Variants in MGAT4C observed in about 807,000 individuals in gnomAD.
MGAT4C encodes MGAT4 family member C, also known as alpha-1,3-mannosyl-glycoprotein 4-beta-N-acetylglucosaminyltransferase C.
In MGAT4C, 19 loss-of-function variants were observed where a neutral mutation model predicts 40.1. The ratio of observed to expected loss-of-function variants is 0.47; its 90% CI spans 0.33 to 0.70. The LOEUF (loss-of-function observed/expected upper bound fraction) is 0.70, where lower values mean the gene tolerates loss of function less well. Ranked by LOEUF, MGAT4C falls within the 30% of genes least tolerant of loss-of-function variation. The pLI is 0.02. For synonymous variants in MGAT4C, 181 were observed against 187.1 expected, an observed-to-expected ratio of 0.97 and a Z score of 0.27; for missense variants, 491 against 563.2, an observed-to-expected ratio of 0.87 and a Z score of 1.30.
At chr12:86,053,979 G>A (rs369089939) in intron 1 of MGAT4C, among the ~76,000 whole-genome samples, 2 of 151,896 alleles carry the variant, frequency 1.3e-5, no homozygotes, top group East Asian at 3.9e-4. Context: ...GAAACCCCGT[G>A]TACACTGATG....
intron 1 of MGAT4C, among the ~76,000 whole-genome samples, chr12:86,051,580 T>G (rs1892894898): frequency 6.6e-6 from 1 of 151,822 alleles, no homozygotes; most frequent in Admixed American, 6.6e-5. Context: ...TAAATTAAAT[T>G]ATATATTATT....
At chr12:86,371,363 T>C (rs1055479663) in intron 3 of MGAT4C, among the ~76,000 whole-genome samples, 1 of 152,034 alleles carries the variant, frequency 6.6e-6, no homozygotes, top group Non-Finnish European at 1.5e-5. Flanking sequence ...GGACAATCAA[T>C]CTTCCATACT....
chr12:86,602,783 A>G (rs749890526), intron 2 of MGAT4C, among the ~76,000 whole-genome samples: 4 of 152,078 alleles, frequency 2.6e-5, no homozygotes, highest in African/African-American at 4.8e-5. Flanking sequence ...TGAATGAAGG[A>G]TCCTTAAAAA....
intron 2 of MGAT4C, among the ~76,000 whole-genome samples, chr12:86,489,369 C>G (rs773379634): frequency 1.3e-5 from 2 of 152,130 alleles, no homozygotes; most frequent in African/African-American, 2.4e-5. Context: ...TCTGGACATG[C>G]GACCTCTGAG....
intron 2 of MGAT4C, among the ~76,000 whole-genome samples, chr12:85,995,162 G>GTGAA (rs1886465964): frequency 6.6e-6 from 1 of 152,122 alleles, no homozygotes; most frequent in East Asian, 1.9e-4. Flanking sequence ...AAACCAAATA[G>GTGAA]GTAAGCCCTG....
At chr12:86,088,040 C>T (rs2096556590) in intron 1 of MGAT4C, among the ~76,000 whole-genome samples, 1 of 151,710 alleles carries the variant, frequency 6.6e-6, no homozygotes, top group South Asian at 2.1e-4. Flanking sequence ...ACACATAGAC[C>T]AACAGAACAG....
At chr12:86,510,204 T>C (rs1958548232) in intron 2 of MGAT4C, among the ~76,000 whole-genome samples, 1 of 151,906 alleles carries the variant, frequency 6.6e-6, no homozygotes, top group African/African-American at 2.4e-5. Context: ...GGGTTTGTCA[T>C]AGATAGCTCT....
At chr12:86,666,826 A>G (rs12371593) in intron 2 of MGAT4C, among the ~76,000 whole-genome samples, 5,374 of 152,280 alleles carry the variant, frequency 0.035, 141 homozygotes, top group Non-Finnish European at 0.048. Flanking sequence ...CCTGAAACTG[A>G]TATTTGGTAA....
intron 2 of MGAT4C, among the ~76,000 whole-genome samples, chr12:86,449,825 C>G (rs1167270663): frequency 6.6e-6 from 1 of 152,026 alleles, no homozygotes; most frequent in Non-Finnish European, 1.5e-5. Flanking sequence ...TCTAATTTAC[C>G]CATTCCAAAT....
At chr12:86,232,736 A>C (rs530871762) in intron 1 of MGAT4C, among the ~76,000 whole-genome samples, 1 of 152,216 alleles carries the variant, frequency 6.6e-6, no homozygotes, top group Non-Finnish European at 1.5e-5. Flanking sequence ...TATTGAATCA[A>C]TGAGTATGTG....
intron 1 of MGAT4C, among the ~76,000 whole-genome samples, chr12:86,234,996 T>C (rs951235408): frequency 1.3e-5 from 2 of 152,116 alleles, no homozygotes; most frequent in African/African-American, 2.4e-5. Flanking sequence ...TTCTGTCTCT[T>C]CTTAAATGTT....
intron 2 of MGAT4C, among the ~76,000 whole-genome samples, chr12:86,667,173 G>C (rs1964131605): frequency 6.6e-6 from 1 of 152,160 alleles, no homozygotes; most frequent in Admixed American, 6.6e-5. Context: ...AAAATATTAA[G>C]AGGAGGAGGA....
intron 1 of MGAT4C, among the ~76,000 whole-genome samples, chr12:86,128,112 C>G (rs897724409): frequency 6.6e-6 from 1 of 152,152 alleles, no homozygotes; most frequent in Admixed American, 6.5e-5. Flanking sequence ...TCATAGCCAA[C>G]ACATGAGGAA....
chr12:86,607,519 A>T (rs576080083), intron 2 of MGAT4C, among the ~76,000 whole-genome samples: 2 of 152,224 alleles, frequency 1.3e-5, no homozygotes, highest in African/African-American at 4.8e-5. Context: ...TACTAACATG[A>T]GACATTATTC....
At chr12:86,668,077 G>T (rs909769181) in intron 2 of MGAT4C, among the ~76,000 whole-genome samples, 1 of 152,198 alleles carries the variant, frequency 6.6e-6, no homozygotes, top group Non-Finnish European at 1.5e-5. Flanking sequence ...TTGATAGATT[G>T]TGCATAATAT....
At chr12:86,770,082 G>A (rs939998841) in intron 1 of MGAT4C, among the ~76,000 whole-genome samples, 1 of 151,962 alleles carries the variant, frequency 6.6e-6, no homozygotes, top group Non-Finnish European at 1.5e-5. Context: ...CAATAGATTA[G>A]TATATGATGT....
chr12:86,280,697 C>CT (rs1763013863), intron 4 of MGAT4C, among the ~76,000 whole-genome samples: 1 of 133,618 alleles, frequency 7.5e-6, no homozygotes, highest in Non-Finnish European at 1.7e-5. Context: ...GAATTTCTAT[C>CT]CTTTTTTTTT....
intron 1 of MGAT4C, among the ~76,000 whole-genome samples, chr12:86,188,546 C>T (rs187474624): frequency 1.3e-5 from 2 of 151,386 alleles, no homozygotes; most frequent in African/African-American, 2.4e-5. Context: ...GAAACATATG[C>T]GTTAGAGGAA....
chr12:86,161,313 A>G (rs1192813610), intron 1 of MGAT4C, among the ~76,000 whole-genome samples: 1 of 152,120 alleles, frequency 6.6e-6, no homozygotes, highest in Non-Finnish European at 1.5e-5. Context: ...ACACAGACAC[A>G]TAGACCAACA....
Sources: gnomAD v4.1 joint callset for allele counts (sites outside exome capture counted in the v4.1 genomes callset) on GRCh38, gnomAD v4.1.1 for gene constraint, MANE v1.5 for transcripts, NCBI Gene and HGNC (gene_info 2026-07-23, HGNC 2026-07-21) for gene names.